Variants in OTOS observed in about 807,000 individuals in gnomAD.
OTOS encodes otospiralin.
OTOS carries 14 observed loss-of-function variants against 12.5 expected under a neutral mutation model. The observed-to-expected ratio is 1.12, with a 90% confidence interval of 0.74 to 1.76. The LOEUF is 1.76. Among genes scored for constraint, OTOS ranks in the 40% most tolerant of loss-of-function variants. The probability of loss-of-function intolerance (pLI) is 0.00; values close to 1 mark genes in which losing one functional copy is unlikely to be tolerated. For missense variants in OTOS, 141 were observed against 112.8 expected (o/e 1.25, Z -1.13); for synonymous variants, 49 against 47.6 (o/e 1.03, Z -0.12).
intron 3 of OTOS, among the ~76,000 whole-genome samples, 174 bp from the exon 4 acceptor site, chr2:240,139,528 C>CG (rs2072035674): frequency 2.0e-5 from 3 of 148,452 alleles, no homozygotes; most frequent in African/African-American, 7.4e-5. Flanking sequence ...GATATCTGGT[C>CG]GGGGAGACAG....
chr2:240,139,472 C>T, intron 3 of OTOS, 118 bp from the exon 4 acceptor site: 2 of 1,070,662 alleles, frequency 1.9e-6, no homozygotes, highest in East Asian at 2.6e-5. Context: ...GTGATACAAC[C>T]TTCCCAGAGT....
chr2:240,140,483 C>A, intron 1 of OTOS, 39 bp from the exon 2 acceptor site: 1 of 726,346 alleles, frequency 1.4e-6, no homozygotes, highest in Non-Finnish European at 2.2e-6. Flanking sequence ...AAAATTCTTA[C>A]TGTTTTCCTA....
In OTOS at chr2:240,139,345, G is replaced by A. The variant is rs750554667; in HGVS notation, c.95C>T (p.Ala32Val). 3.7e-5 allele frequency: 60 copies of A among 1,612,710 alleles called. 1 individual carries two copies. The highest frequency in any genetic ancestry group is 1.6e-4 in the Middle Eastern group (1 of 6,078). Reference sequence around the variant, plus strand: ...CCAGTAGGGCATGGCCGGCAGCTCCGCGTAAGGGTCTGAAAGACACAAGAC... The same window carrying A: ...CCAGTAGGGCATGGCCGGCAGCTCCACGTAAGGGTCTGAAAGACACAAGAC... ...KPVQEEGDPY[A>V]ELPAMPYWPF... Residue 32 changes from alanine (A) to valine (V), a missense_variant, in exon 4 of 4, where the codon GCG (alanine) becomes GTG (valine). Physicochemically the swap from Ala to Val is moderately conservative, Grantham distance 64. Coordinates refer to ENST00000319460, the MANE Select transcript of OTOS (RefSeq NM_148961.4).
chr2:240,139,919 G>A, intron 3 of OTOS, 143 bp downstream of exon 3: 1 of 957,436 alleles, frequency 1.0e-6, no homozygotes, highest in Non-Finnish European at 1.6e-6. Context: ...CAAGGGCCAT[G>A]TTTTCCATGC....
chr2:240,140,229 G>T, intron 2 of OTOS, 40 bp downstream of exon 2: 1 of 1,584,354 alleles, frequency 6.3e-7, no homozygotes, highest in Non-Finnish European at 8.6e-7. Flanking sequence ...AGGGCTGTCG[G>T]GGGTCCTGGT....
intron 3 of OTOS, 143 bp downstream of exon 3, chr2:240,139,919 G>T: frequency 1.0e-6 from 1 of 957,434 alleles, no homozygotes; most frequent in Non-Finnish European, 1.6e-6. Flanking sequence ...CAAGGGCCAT[G>T]TTTTCCATGC....
At chr2:240,140,147 A>G in intron 2 of OTOS, 59 bp from the exon 3 acceptor site, 1 of 1,606,916 alleles carries the variant, frequency 6.2e-7, no homozygotes. Context: ...GGTTGGGCCC[A>G]CCCGACACCA....
chr2:240,140,389 C>G lies in OTOS; in HGVS notation c.-63G>C, dbSNP rs550686094. The G allele has an allele frequency of 6.7e-7, 1 of 1,492,552 alleles. No individual in the cohort carries two copies. The highest frequency in any genetic ancestry group is 9.0e-7 in the Non-Finnish European group (1 of 1,110,080). 92.5% of individuals were successfully genotyped at this position (1,492,552 alleles called of 1,614,324 possible). A position where few individuals can be genotyped will look rare whatever the true frequency, so the allele number is the denominator to read the frequency against. On this transcript the variant is annotated 5_prime_UTR_variant, in exon 2 of 4. Coordinates refer to ENST00000319460, the MANE Select transcript of OTOS (RefSeq NM_148961.4). The stretch of plus-strand genomic sequence containing the variant: ...TGCAGCAGGATGAACCCAGGAAGGG[C>G]GAGACCACCCATCCGTCAGGGCCGG...
At chr2:240,140,035 G>A (rs2072040527) in intron 3 of OTOS, 27 bp downstream of exon 3, 1 of 1,611,768 alleles carries the variant, frequency 6.2e-7, no homozygotes, top group African/African-American at 1.3e-5. Flanking sequence ...TTATGCAAAT[G>A]AAAGGAAAGA....
chr2:240,140,200 C>T, intron 2 of OTOS, 69 bp downstream of exon 2: 7 of 1,587,618 alleles, frequency 4.4e-6, no homozygotes, highest in East Asian at 2.3e-5. Flanking sequence ...GGGATGCATG[C>T]GGGAGGGGAG....
rs1171545038 is a variant in OTOS, at chr2:240,139,265, C to G, written c.175G>C (p.Ala59Pro). ...NYVQHFQALG[A>P]YPQIEDMART... ...GCCATGTCCTCGATCTGGGGGTAGG[C>G]CCCCAGGGCCTGGAAGTGCTGCACA... Residue 59 changes from alanine to proline, a missense_variant, in exon 4 of 4, where the codon GCC (alanine) becomes CCC (proline). Physicochemically the swap from Ala to Pro is conservative, Grantham distance 27. Transcript: ENST00000319460. 20 of 1,614,024 alleles carry G rather than the reference C, an allele frequency of 1.2e-5. No individual in the cohort carries two copies. The highest frequency in any genetic ancestry group is 1.7e-5 in the Non-Finnish European group (20 of 1,180,030).
At position 240,139,173 on chromosome 2, in the gene OTOS, GTCC is replaced by G; in HGVS notation, c.264_266del (p.Glu88del). 6.2e-7 allele frequency: 1 copy of G among 1,613,142 alleles called. No individual in the cohort carries two copies. Among genetic ancestry groups the G allele is most frequent in the Non-Finnish European group, 8.5e-7 (1 of 1,179,592 alleles). ...CGGGCACCAGGCTGGACACCATTCA[GTCC>G]TCCTGATAGGGAACGTGGAAGCCCA... On this transcript the variant is annotated inframe_deletion, in exon 4 of 4. Transcript: ENST00000319460.
rs2072033254 is a variant in OTOS, at chr2:240,139,390, C to T, written c.86-36G>A. The T allele has an allele frequency of 1.9e-6, 3 of 1,583,452 alleles. No individual in the cohort carries two copies. In the African/African-American group the frequency reaches 4.0e-5, roughly 21 times the overall value. ...CAAGACACCTGCCTTGGGGGCTGTCCCCATGGTCCTGCCTGGAGACACCAT... is the reference window on the plus strand; with the variant it reads ...CAAGACACCTGCCTTGGGGGCTGTCTCCATGGTCCTGCCTGGAGACACCAT... On this transcript the variant is annotated intron_variant, in intron 3 of 3. Transcript: ENST00000319460.
Position 240,140,256 on chromosome 2 carries a change from A to T in OTOS, c.58+13T>A. The T allele has an allele frequency of 6.3e-7, 1 of 1,589,514 alleles. No individual in the cohort carries two copies. Among genetic ancestry groups the T allele is most frequent in the Non-Finnish European group, 8.6e-7 (1 of 1,167,732 alleles). On this transcript the variant is annotated intron_variant, in intron 2 of 3. Coordinates refer to ENST00000319460, the MANE Select transcript of OTOS (RefSeq NM_148961.4). Reference sequence around the variant, plus strand: ...GGTCCTGGTGGCTGCCTCCCTCCAGAGCGGCCCCTCACCTGCAAGAGGCCC... The same window carrying T: ...GGTCCTGGTGGCTGCCTCCCTCCAGTGCGGCCCCTCACCTGCAAGAGGCCC...
rs2072030919 is a variant in OTOS, at chr2:240,139,255, TG to T, written c.184del (p.Gln62ArgfsTer?). ...GAAGGTTCGGGCCATGTCCTCGATC[TG>T]GGGGTAGGCCCCCAGGGCCTGGAAG... is the stretch of plus-strand genomic sequence containing the variant. The part of the protein sequence containing the change: ...QHFQALGAYP[Q>X]IEDMARTFFA... On this transcript the variant is annotated frameshift_variant, in exon 4 of 4. Coordinates refer to ENST00000319460, the MANE Select transcript of OTOS (RefSeq NM_148961.4). LOFTEE classifies it high-confidence loss of function. The T allele has an allele frequency of 6.2e-7, 1 of 1,614,064 alleles. No homozygotes were observed. The highest frequency in any genetic ancestry group is 8.5e-7 in the Non-Finnish European group (1 of 1,180,026).
Position 240,139,330 on chromosome 2 carries a change from A to G in OTOS, c.110T>C (p.Met37Thr). 1.2e-6 allele frequency: 2 copies of G among 1,613,840 alleles called. No individual in the cohort carries two copies. Among genetic ancestry groups the G allele is most frequent in the Non-Finnish European group, 8.5e-7 (1 of 1,179,818 alleles). Reference protein sequence around the residue: ...EGDPYAELPAMPYWPFSTSDF... With the variant: ...EGDPYAELPATPYWPFSTSDF... Reference sequence around the variant, plus strand: ...AGAGGTGGAGAAAGGCCAGTAGGGCATGGCCGGCAGCTCCGCGTAAGGGTC... The same window carrying G: ...AGAGGTGGAGAAAGGCCAGTAGGGCGTGGCCGGCAGCTCCGCGTAAGGGTC... The change falls in exon 4 of 4, where the codon ATG becomes ACG. Residue 37 changes from methionine to threonine, a missense_variant. By Grantham distance (81) the Met-to-Thr change is moderately conservative. Coordinates refer to ENST00000319460, the MANE Select transcript of OTOS (RefSeq NM_148961.4).
At position 240,140,424 on chromosome 2, in the gene OTOS, C is replaced by T. The variant is rs528875592; in HGVS notation, c.-98G>A. On this transcript the variant is annotated 5_prime_UTR_variant, in exon 2 of 4. Transcript: ENST00000319460. Reference sequence around the variant, plus strand: ...CATCCGTCAGGGCCGGCTTCCTCTACCAGTCCCAGTGTGGGCAGCCCTGGG... The same window carrying T: ...CATCCGTCAGGGCCGGCTTCCTCTATCAGTCCCAGTGTGGGCAGCCCTGGG... The T allele has an allele frequency of 3.8e-6, 5 of 1,301,444 alleles. No individual in the cohort carries two copies. The highest frequency in any genetic ancestry group is 2.5e-5 in the Admixed American group (1 of 39,268). 80.6% of individuals were successfully genotyped at this position (1,301,444 alleles called of 1,614,324 possible).
At chr2:240,139,565 G>A (rs1486989824) in intron 3 of OTOS, among the ~76,000 whole-genome samples, 3 of 146,018 alleles carry the variant, frequency 2.1e-5, no homozygotes, top group South Asian at 4.3e-4. Context: ...GGAAGAGAGG[G>A]AGGGAAGCCC....
Position 240,140,382 on chromosome 2 carries a change from G to T in OTOS, c.-56C>A. 1 of 1,511,348 alleles carries T rather than the reference G, an allele frequency of 6.6e-7. No individual in the cohort carries two copies. 93.6% of individuals were successfully genotyped at this position (1,511,348 alleles called of 1,614,324 possible). On this transcript the variant is annotated 5_prime_UTR_variant, in exon 2 of 4. In the 5' UTR this introduces an upstream ATG that the reference lacks. Coordinates refer to ENST00000319460, the MANE Select transcript of OTOS (RefSeq NM_148961.4). The stretch of plus-strand genomic sequence containing the variant: ...GCCCACCTGCAGCAGGATGAACCCA[G>T]GAAGGGCGAGACCACCCATCCGTCA...
Sources: gnomAD v4.1 joint callset for allele counts (sites outside exome capture counted in the v4.1 genomes callset) on GRCh38, gnomAD v4.1.1 for gene constraint, MANE v1.5 for transcripts, NCBI Gene and HGNC (gene_info 2026-07-23, HGNC 2026-07-21) for gene names.